USP34: variants seen among roughly 807,000 people sequenced by gnomAD.
USP34 encodes the protein ubiquitin specific peptidase 34.
Under a neutral mutation model 460.3 loss-of-function variants are expected in USP34, and 70 were observed. That is an observed-to-expected ratio of 0.15 (90% CI 0.13 to 0.19). The LOEUF (loss-of-function observed/expected upper bound fraction) is 0.19. Ranked by LOEUF, USP34 falls within the 10% of genes least tolerant of loss-of-function variation. USP34 has a pLI of 1.00. For synonymous variants in USP34, 1,647 were observed against 1,405.3 expected, an observed-to-expected ratio of 1.17 and a Z score of -3.85; for missense variants, 3,985 against 4,236.2, an observed-to-expected ratio of 0.94 and a Z score of 1.65.
chr2:61,461,143 C>T (rs1558608705), intron 1 of USP34, among the ~76,000 whole-genome samples: 1 of 151,802 alleles, frequency 6.6e-6, no homozygotes, highest in Non-Finnish European at 1.5e-5. Flanking sequence ...GTAATCTCAG[C>T]ATTTTGGGAG....
At chr2:61,239,300 T>TCACACACACA (rs60152908) in intron 53 of USP34, among the ~76,000 whole-genome samples, 261 of 132,846 alleles carry the variant, frequency 2.0e-3, no homozygotes, top group East Asian at 2.8e-3. Flanking sequence ...GAGGGCCCTG[T>TCACACACACA]CACACACACA....
At position 61,220,430 on chromosome 2, in the gene USP34, G is replaced by C. The variant is rs904590660; in HGVS notation, c.7927C>G (p.Leu2643Val). The C allele has an allele frequency of 9.9e-6, 16 of 1,613,490 alleles. No homozygotes were observed. The highest frequency in any genetic ancestry group is 1.4e-5 in the Non-Finnish European group (16 of 1,179,752). Reference sequence around the variant, plus strand: ...GGTGTCTGCACTGCCAACCAATCTAGACACTGAGAAGGATTGTATTCAATC... The same window carrying C: ...GGTGTCTGCACTGCCAACCAATCTACACACTGAGAAGGATTGTATTCAATC... ...EVIEYNPSQC[L>V]DWLAVQTPRN... The change falls in exon 67 of 80, where the codon CTA becomes GTA. Residue 2643 changes from leucine (L) to valine (V), a missense_variant. This residue lies in a region of USP34 where 604 missense variants were observed against 684.8 expected (regional missense o/e 0.88). Coordinates refer to ENST00000398571, the MANE Select transcript of USP34 (RefSeq NM_014709.4).
At chr2:61,446,131 A>T (rs949288779) in intron 1 of USP34, among the ~76,000 whole-genome samples, 1 of 151,536 alleles carries the variant, frequency 6.6e-6, no homozygotes, top group African/African-American at 2.4e-5. Flanking sequence ...AAAAAAAAAA[A>T]AAACTAAACT....
chr2:61,452,640 T>C (rs982190606), intron 1 of USP34, among the ~76,000 whole-genome samples: 1 of 151,810 alleles, frequency 6.6e-6, no homozygotes, highest in African/African-American at 2.4e-5. Flanking sequence ...CCCCAGCACT[T>C]TGGAAGGCCA....
Position 61,370,488 on chromosome 2 carries a change from A to T in USP34, c.1158+10T>A. 1.2e-6 allele frequency: 2 copies of T among 1,613,680 alleles called. No individual in the cohort carries two copies. The highest frequency in any genetic ancestry group is 1.7e-6 in the Non-Finnish European group (2 of 1,179,808). On this transcript the variant is annotated intron_variant, in intron 9 of 79. Transcript: ENST00000398571. ...AATAGAACAGAGAAGTTATGTAATC[A>T]TCCACAAACCTCAATATGTAAATTT...
At chr2:61,235,476 CCA>C (rs1184572450) in intron 57 of USP34, among the ~76,000 whole-genome samples, 5 of 151,938 alleles carry the variant, frequency 3.3e-5, no homozygotes, top group Non-Finnish European at 5.9e-5. Context: ...CAGGCATGTG[CCA>C]CCACACCCAG....
At chr2:61,369,516 A>T (rs1273514654) in intron 10 of USP34, among the ~76,000 whole-genome samples, 1 of 151,778 alleles carries the variant, frequency 6.6e-6, no homozygotes, top group African/African-American at 2.4e-5. Flanking sequence ...GGCGGTGCAT[A>T]CCTATAGTCC....
At chr2:61,206,703 CCTT>C (rs1330694537) in intron 71 of USP34, 54 bp downstream of exon 71, 26 of 1,582,776 alleles carry the variant, frequency 1.6e-5, no homozygotes, top group South Asian at 6.9e-5. Context: ...GATTTTAAAA[CCTT>C]CTCTCTCTTT....
At chr2:61,326,838 C>A (rs1691107346) in intron 20 of USP34, among the ~76,000 whole-genome samples, 1 of 142,908 alleles carries the variant, frequency 7.0e-6, no homozygotes, top group Non-Finnish European at 1.5e-5. Flanking sequence ...GGTTGGAGTG[C>A]AGTAGCGTGA....
At chr2:61,373,906 G>A (rs1489762365) in intron 8 of USP34, among the ~76,000 whole-genome samples, 1 of 152,144 alleles carries the variant, frequency 6.6e-6, no homozygotes, top group East Asian at 1.9e-4. Context: ...TGTAATCCCA[G>A]CACTTTGGGA....
intron 62 of USP34, among the ~76,000 whole-genome samples, chr2:61,225,669 A>G (rs1305384647): frequency 1.3e-5 from 2 of 152,348 alleles, no homozygotes; most frequent in African/African-American, 4.8e-5. Flanking sequence ...GAATTAGCAA[A>G]TACCAAATTA....
In USP34 at chr2:61,321,475, C is replaced by CA. The variant is rs1443478090; in HGVS notation, c.3014-2149dup. On this transcript the variant is annotated intron_variant, in intron 21 of 79. Coordinates refer to ENST00000398571, the MANE Select transcript of USP34 (RefSeq NM_014709.4). ...GACAGAGTAAGACTCCGTCTCAAAA[C>CA]AAAAAACAAAACAAAACTATCTCAA... Among the ~76,000 whole-genome samples the CA allele has an allele frequency of 3.3e-5, 5 of 152,030 alleles. No homozygotes were observed. In the East Asian group the frequency reaches 5.8e-4, roughly 18 times the overall value.
At chr2:61,452,789 A>G (rs2256617) in intron 1 of USP34, among the ~76,000 whole-genome samples, 91,423 of 151,210 alleles carry the variant, frequency 0.6, 27,726 homozygotes, top group Middle Eastern at 0.68. Flanking sequence ...GGAGGCTGAC[A>G]TAAGAGGATC....
At chr2:61,277,281 G>C (rs35688811) in intron 41 of USP34, among the ~76,000 whole-genome samples, 7,146 of 148,624 alleles carry the variant, frequency 0.048, 271 homozygotes, top group Non-Finnish European at 0.073. Flanking sequence ...CTGTCACCTA[G>C]GCTACAGTGC....
chr2:61,295,318 GC>G, intron 30 of USP34, 28 bp from the exon 31 acceptor site: 1 of 1,567,908 alleles, frequency 6.4e-7, no homozygotes, highest in Non-Finnish European at 8.6e-7. Flanking sequence ...TGTTTCTCAA[GC>G]CAACTTACTC....
At chr2:61,251,886 T>A (rs1035478247) in intron 48 of USP34, among the ~76,000 whole-genome samples, 3 of 152,234 alleles carry the variant, frequency 2.0e-5, no homozygotes, top group African/African-American at 7.2e-5. Context: ...GCCCCCTTGA[T>A]ATACTGTATA....
intron 2 of USP34, among the ~76,000 whole-genome samples, chr2:61,418,708 A>AG (rs1292352883): frequency 6.6e-6 from 1 of 152,216 alleles, no homozygotes; most frequent in African/African-American, 2.4e-5. Context: ...GGAGGAAGAG[A>AG]GGAAGATGGA....
rs148033230 is a variant in USP34 at position 61,451,195 on chromosome 2, C to T, written c.43+19455G>A. Among the ~76,000 whole-genome samples the T allele has an allele frequency of 4.5e-3, 513 of 113,496 alleles. 2 individuals carry two copies. The highest frequency in any genetic ancestry group is 0.018 in the African/African-American group (494 of 28,222). The allele number at this position is 113,496 out of a possible 152,430, so 74.5% of individuals were successfully genotyped here. A position where few individuals can be genotyped will look rare whatever the true frequency, so the allele number is the denominator to read the frequency against. On this transcript the variant is annotated intron_variant, in intron 1 of 79. Coordinates refer to ENST00000398571, the MANE Select transcript of USP34 (RefSeq NM_014709.4). ...GAGATCATGCCACTGCACTCCAGCC[C>T]AGGTGACAGTGTGAGGCTTCATCTC...
chr2:61,189,021 A>C lies in USP34; in HGVS notation c.9922T>G (p.Leu3308Val). ...AGAGTTGGAATTAGAGCTGGGTTTAACTGTTTGGGAGTGTGTACTGACAGG... is the reference window on the plus strand; with the variant it reads ...AGAGTTGGAATTAGAGCTGGGTTTACCTGTTTGGGAGTGTGTACTGACAGG... The part of the protein sequence containing the change: ...LLLSVHTPKQ[L>V]NPALIPTLQE... Residue 3308 changes from leucine (L) to valine (V), a missense_variant, in exon 79 of 80, where the codon TTA becomes GTA. Coordinates refer to ENST00000398571, the MANE Select transcript of USP34 (RefSeq NM_014709.4). 1 of 1,614,174 alleles carries C rather than the reference A, an allele frequency of 6.2e-7. No homozygotes were observed.
Sources: gnomAD v4.1 joint callset for allele counts (sites outside exome capture counted in the v4.1 genomes callset) on GRCh38, gnomAD v4.1.1 for gene constraint, gnomAD v4.1.1 regional missense constraint, MANE v1.5 for transcripts, NCBI Gene and HGNC (gene_info 2026-07-23, HGNC 2026-07-21) for gene names.